SLC8A1: variants seen among roughly 807,000 people sequenced by gnomAD.
SLC8A1 encodes the protein solute carrier family 8 member A1.
Under a neutral mutation model 68.3 loss-of-function variants are expected in SLC8A1, and 18 were observed. That is an observed-to-expected ratio of 0.26 (90% CI 0.18 to 0.39). SLC8A1 has a LOEUF of 0.39. Among genes scored for constraint, SLC8A1 ranks in the 10% least tolerant of loss-of-function variants. The pLI is 1.00. For synonymous variants in SLC8A1, 475 were observed against 415.5 expected (o/e 1.14, Z -1.74); for missense variants, 985 against 1,156.7 (o/e 0.85, Z 2.15).
chr2:40,313,797 C>T (rs2074066429), intron 2 of SLC8A1, among the ~76,000 whole-genome samples: 1 of 152,034 alleles, frequency 6.6e-6, no homozygotes, highest in Admixed American at 6.6e-5. Context: ...TGATGTTGAG[C>T]ATATTTCCAT....
intron 2 of SLC8A1, among the ~76,000 whole-genome samples, chr2:40,408,977 G>C (rs1399542671): frequency 1.3e-5 from 2 of 151,868 alleles, no homozygotes; most frequent in Non-Finnish European, 2.9e-5. Flanking sequence ...AACTACATAG[G>C]AATGAAAAAA....
chr2:40,343,683 T>C (rs1043474038), intron 2 of SLC8A1, among the ~76,000 whole-genome samples: 3 of 152,142 alleles, frequency 2.0e-5, no homozygotes, highest in East Asian at 1.9e-4. Flanking sequence ...AAATTAAATA[T>C]AGACATATCA....
chr2:40,199,284 G>C (rs547175336), intron 2 of SLC8A1, among the ~76,000 whole-genome samples: 2 of 151,890 alleles, frequency 1.3e-5, no homozygotes, highest in South Asian at 4.1e-4. Flanking sequence ...CACCTTGTGA[G>C]CCTTGAATGA....
rs70957174 is a variant in SLC8A1, at chr2:40,417,870, T to TACAC, written c.1808+10599_1808+10602dup. On this transcript the variant is annotated intron_variant, in intron 2 of 7. Coordinates refer to ENST00000406785, the Ensembl canonical transcript of SLC8A1. Reference sequence around the variant, plus strand: ...CAGGCACACTGATAGCTTGGATGGATACACACACACACACACACACACACA... The same window carrying TACAC: ...CAGGCACACTGATAGCTTGGATGGATACACACACACACACACACACACACACACA... Among the ~76,000 whole-genome samples the TACAC allele has an allele frequency of 4.2e-3, 613 of 147,260 alleles. 7 individuals carry two copies. Among genetic ancestry groups the TACAC allele is most frequent in the South Asian group, 0.033 (155 of 4,660 alleles).
intron 2 of SLC8A1, among the ~76,000 whole-genome samples, chr2:40,366,666 A>G (rs572749700): frequency 2.6e-5 from 4 of 151,998 alleles, no homozygotes; most frequent in African/African-American, 9.6e-5. Context: ...ACAGATCAAA[A>G]ATTTGGTCTT....
At chr2:40,440,784 T>C (rs1700317495) in intron 1 of SLC8A1, among the ~76,000 whole-genome samples, 2 of 152,148 alleles carry the variant, frequency 1.3e-5, no homozygotes, top group Admixed American at 1.3e-4. Context: ...CATCTCAAAA[T>C]AATAAGAGCT....
intron 2 of SLC8A1, among the ~76,000 whole-genome samples, chr2:40,356,332 G>T (rs1672650342): frequency 6.6e-6 from 1 of 152,096 alleles, no homozygotes; most frequent in Non-Finnish European, 1.5e-5. Context: ...CTGACTGACT[G>T]ACTGAATCAA....
chr2:40,357,050 CAAG>C (rs777491701), intron 2 of SLC8A1, among the ~76,000 whole-genome samples: 42 of 152,126 alleles, frequency 2.8e-4, no homozygotes, highest in African/African-American at 6.0e-4. Context: ...CAGAACACAG[CAAG>C]AAGAACTTTT....
intron 2 of SLC8A1, among the ~76,000 whole-genome samples, chr2:40,253,775 C>T (rs560580566): frequency 9.2e-5 from 13 of 141,986 alleles, no homozygotes; most frequent in African/African-American, 2.9e-4. Flanking sequence ...TGCAGTGAGC[C>T]GAGATCATGC....
intron 2 of SLC8A1, among the ~76,000 whole-genome samples, chr2:40,313,346 G>A (rs544540262): frequency 6.6e-6 from 1 of 152,110 alleles, no homozygotes; most frequent in South Asian, 2.1e-4. Context: ...TTATTCACTT[G>A]CTAATAGATA....
chr2:40,202,771 T>A (rs1180151233), intron 2 of SLC8A1, among the ~76,000 whole-genome samples: 3 of 151,944 alleles, frequency 2.0e-5, no homozygotes, highest in Admixed American at 1.3e-4. Flanking sequence ...AAAGAGCCAA[T>A]ATGTCATTTA....
intron 2 of SLC8A1, among the ~76,000 whole-genome samples, chr2:40,343,864 T>C (rs983675910): frequency 6.6e-6 from 1 of 152,214 alleles, no homozygotes; most frequent in Non-Finnish European, 1.5e-5. Context: ...GGATGAGTCT[T>C]ACAAATACCC....
intron 2 of SLC8A1, among the ~76,000 whole-genome samples, chr2:40,232,723 T>G: frequency 8.7e-6 from 1 of 115,384 alleles, no homozygotes; most frequent in Admixed American, 8.8e-5. Context: ...TAGCATTAGG[T>G]ATATCTCCCA....
At chr2:40,453,120 GA>G (rs1212910116), upstream of SLC8A1, 2 of 152,142 alleles carry the variant, frequency 1.3e-5, no homozygotes, top group Admixed American at 6.6e-5. Flanking sequence ...ACCTACTGTG[GA>G]GTTCACTAGC....
At chr2:40,331,110 T>C (rs561941138) in intron 2 of SLC8A1, among the ~76,000 whole-genome samples, 13 of 152,356 alleles carry the variant, frequency 8.5e-5, no homozygotes, top group African/African-American at 2.9e-4. Context: ...CTCTGATTCC[T>C]ACCTAGGAAA....
chr2:40,133,806 A>G (rs1342461556), intron 7 of SLC8A1, among the ~76,000 whole-genome samples: 2 of 152,112 alleles, frequency 1.3e-5, no homozygotes, highest in Admixed American at 6.5e-5. Context: ...ACATGAAAGG[A>G]AAGTCCATAT....
At chr2:40,232,355 AT>A (rs895041753) in intron 2 of SLC8A1, among the ~76,000 whole-genome samples, 10 of 150,290 alleles carry the variant, frequency 6.7e-5, no homozygotes, top group Non-Finnish European at 1.0e-4. Context: ...AGATTGTATT[AT>A]TTTAAGAGAG....
intron 6 of SLC8A1, among the ~76,000 whole-genome samples, chr2:40,143,954 C>T (rs2042022116): frequency 1.3e-5 from 2 of 152,124 alleles, no homozygotes; most frequent in Admixed American, 6.6e-5. Flanking sequence ...TTAAATTTCC[C>T]AAGCCTCAGT....
At chr2:40,428,998 G>C in exon 2 of SLC8A1, 1 of 1,613,752 alleles carries the variant, frequency 6.2e-7, no homozygotes, top group Non-Finnish European at 8.5e-7. Context: ...GCGGATAATG[G>C]TAAGGGCCAC....
Sources: allele counts gnomAD v4.1 joint callset (sites outside exome capture counted in the v4.1 genomes callset), GRCh38; gene constraint gnomAD v4.1.1; transcripts MANE v1.5; gene names NCBI Gene and HGNC (gene_info 2026-07-23, HGNC 2026-07-21).